COP1: variants seen among roughly 807,000 people sequenced by gnomAD.
The protein encoded by COP1 is E3 ubiquitin-protein ligase COP1.
In COP1, 24 loss-of-function variants were observed where a neutral mutation model predicts 101.3. That is an observed-to-expected ratio of 0.24 (90% CI 0.17 to 0.33). The LOEUF is 0.33. Ranked by LOEUF, COP1 falls within the 10% of genes least tolerant of loss-of-function variation. The pLI is 1.00. For synonymous variants in COP1, 347 were observed against 341.9 expected (o/e 1.01, Z -0.17); for missense variants, 663 against 906.2 (o/e 0.73, Z 3.45).
At chr1:175,978,284 T>C (rs1053163984) in intron 18 of COP1, among the ~76,000 whole-genome samples, 1 of 152,104 alleles carries the variant, frequency 6.6e-6, no homozygotes, top group African/African-American at 2.4e-5. Context: ...TCAAACTCTA[T>C]TACAGAAATA....
At chr1:176,098,896 G>A (rs1283107481) in intron 9 of COP1, among the ~76,000 whole-genome samples, 4 of 152,040 alleles carry the variant, frequency 2.6e-5, no homozygotes, top group African/African-American at 7.2e-5. Context: ...CCAAATGAGG[G>A]GTAAACAGAA....
At position 176,163,083 on chromosome 1, in the gene COP1, T is replaced by C. The variant is rs962623757; in HGVS notation, c.643-95A>G. The C allele has an allele frequency of 9.8e-6, 12 of 1,227,822 alleles. No individual in the cohort carries two copies. The East Asian group carries it at 3.0e-4, about 31-fold the overall frequency. 76.1% of individuals were successfully genotyped at this position (1,227,822 alleles called of 1,614,324 possible). On this transcript the variant is annotated intron_variant, in intron 4 of 19. Transcript: ENST00000367669. ...TACTTGCTACTTCCTAATATGCTCA[T>C]TACATAGATATCGAAAATATATTAT...
chr1:176,202,099 C>T (rs751292581), intron 1 of COP1, among the ~76,000 whole-genome samples: 44 of 151,928 alleles, frequency 2.9e-4, no homozygotes, highest in Non-Finnish European at 4.9e-4. Flanking sequence ...TACCAGTGTA[C>T]CCAGTGAGAA....
chr1:176,021,277 C>T (rs1666716786), intron 15 of COP1, among the ~76,000 whole-genome samples: 1 of 152,086 alleles, frequency 6.6e-6, no homozygotes, highest in African/African-American at 2.4e-5. Flanking sequence ...AATATAAAAT[C>T]CAGCATGCCC....
At chr1:176,175,875 A>AT in intron 3 of COP1, 35 bp downstream of exon 3, 1 of 1,247,688 alleles carries the variant, frequency 8.0e-7, no homozygotes, top group Non-Finnish European at 1.2e-6. Context: ...GGGGATCGAA[A>AT]TATTTTTAAA....
chr1:176,037,185 G>A (rs1349825317), intron 14 of COP1, among the ~76,000 whole-genome samples: 1 of 152,060 alleles, frequency 6.6e-6, no homozygotes, highest in Non-Finnish European at 1.5e-5. Context: ...GGCGGATCAC[G>A]AGGTCAGGAG....
chr1:176,149,091 T>A lies in COP1; in HGVS notation c.763-17A>T. 6.7e-7 allele frequency: 1 copy of A among 1,503,492 alleles called. No individual in the cohort carries two copies. Among genetic ancestry groups the A allele is most frequent in the Non-Finnish European group, 9.1e-7 (1 of 1,098,190 alleles). 93.1% of individuals were successfully genotyped at this position (1,503,492 alleles called of 1,614,324 possible). A position where few individuals can be genotyped will look rare whatever the true frequency, so the allele number is the denominator to read the frequency against. The stretch of plus-strand genomic sequence containing the variant: ...ATGTGATTCCTACAATAGAAAATTA[T>A]AATTTTTCTTTTAAAAAATATAACT... On this transcript the variant is annotated splice_polypyrimidine_tract_variant and intron_variant, in intron 5 of 19. Transcript: ENST00000367669.
rs559084384 is a variant in COP1, at chr1:175,987,604, G to C, written c.1973-501C>G. 1.8e-3 allele frequency among the ~76,000 whole-genome samples: 270 copies of C among 152,116 alleles called. 1 individual carries two copies. Among genetic ancestry groups the C allele is most frequent in the Non-Finnish European group, 3.3e-3 (225 of 67,968 alleles). ...CAGTATAGGAATTATTCTATTAATG[G>C]TCTATGAACTGTATTTTTATTTTTG... On this transcript the variant is annotated intron_variant, in intron 17 of 19. Coordinates refer to ENST00000367669, the MANE Select transcript of COP1 (RefSeq NM_022457.7).
chr1:176,004,718 G>A (rs2148893937), intron 15 of COP1, among the ~76,000 whole-genome samples: 1 of 148,938 alleles, frequency 6.7e-6, no homozygotes, highest in Non-Finnish European at 1.5e-5. Context: ...GATCATGGTG[G>A]ATAAGCTTTT....
In COP1 at chr1:176,027,705, A is replaced by G. The variant is rs1193510744; in HGVS notation, c.1613-17T>C. 1.4e-6 allele frequency: 2 copies of G among 1,467,440 alleles called. No individual in the cohort carries two copies. Among genetic ancestry groups the G allele is most frequent in the East Asian group, 2.3e-5 (1 of 44,184 alleles). 90.9% of individuals were successfully genotyped at this position (1,467,440 alleles called of 1,614,324 possible). A position where few individuals can be genotyped will look rare whatever the true frequency, so the allele number is the denominator to read the frequency against. On this transcript the variant is annotated splice_polypyrimidine_tract_variant and intron_variant, in intron 14 of 19. Transcript: ENST00000367669. ...ACAGCTTCACTAAGGGCAAAGGACAATAAAAACAAAAAGAGAAACAAGTAA... is the reference window on the plus strand; with the variant it reads ...ACAGCTTCACTAAGGGCAAAGGACAGTAAAAACAAAAAGAGAAACAAGTAA...
chr1:176,025,330 G>C (rs528356306), intron 15 of COP1, among the ~76,000 whole-genome samples: 1 of 151,930 alleles, frequency 6.6e-6, no homozygotes, highest in Admixed American at 6.6e-5. Flanking sequence ...TACTGCTTTG[G>C]GCAGATATCA....
intron 3 of COP1, among the ~76,000 whole-genome samples, chr1:176,168,466 GAGGA>G (rs1183416664): frequency 7.1e-6 from 1 of 141,716 alleles, no homozygotes; most frequent in Non-Finnish European, 1.5e-5. Context: ...GCGAGGGAGG[GAGGA>G]AGGGAGGAAG....
chr1:175,995,223 A>T (rs1659833792), intron 15 of COP1, among the ~76,000 whole-genome samples: 1 of 152,212 alleles, frequency 6.6e-6, no homozygotes, highest in East Asian at 1.9e-4. Context: ...ACATACCAGA[A>T]TCTCTGGGAC....
intron 5 of COP1, among the ~76,000 whole-genome samples, chr1:176,150,939 A>T (rs1692329181): frequency 6.6e-6 from 1 of 152,196 alleles, no homozygotes; most frequent in Admixed American, 6.5e-5. Context: ...ACAATTTCAC[A>T]TATAAATATG....
At chr1:176,194,754 AAT>A (rs997262820) in intron 1 of COP1, among the ~76,000 whole-genome samples, 4 of 151,976 alleles carry the variant, frequency 2.6e-5, no homozygotes, top group Admixed American at 1.3e-4. Flanking sequence ...AGACATGAAG[AAT>A]AAAAACATAC....
At chr1:176,082,654 A>C (rs1283903400) in intron 10 of COP1, among the ~76,000 whole-genome samples, 1 of 152,004 alleles carries the variant, frequency 6.6e-6, no homozygotes, top group African/African-American at 2.4e-5. Flanking sequence ...TAAAAATACA[A>C]AATTAGCCAG....
intron 18 of COP1, among the ~76,000 whole-genome samples, chr1:175,971,160 A>C (rs2148606459): frequency 6.6e-6 from 1 of 152,372 alleles, no homozygotes; most frequent in South Asian, 2.1e-4. Flanking sequence ...TGACTTAGAA[A>C]GACTGATAAA....
chr1:176,096,682 T>A (rs912609284), intron 9 of COP1, among the ~76,000 whole-genome samples: 1 of 152,238 alleles, frequency 6.6e-6, no homozygotes, highest in African/African-American at 2.4e-5. Flanking sequence ...TTTTTTTTCC[T>A]TTTTAGAAAA....
At chr1:176,162,605 C>T (rs1411684998) in intron 5 of COP1, among the ~76,000 whole-genome samples, 2 of 152,052 alleles carry the variant, frequency 1.3e-5, no homozygotes, top group East Asian at 1.9e-4. Flanking sequence ...CCTATGAAAA[C>T]GAAACTTTAC....
Sources: allele counts gnomAD v4.1 joint callset (sites outside exome capture counted in the v4.1 genomes callset), GRCh38; gene constraint gnomAD v4.1.1; transcripts MANE v1.5; gene names NCBI Gene and HGNC (gene_info 2026-07-23, HGNC 2026-07-21).